ITGA6: variants seen among roughly 807,000 people sequenced by gnomAD.
ITGA6 encodes the protein integrin subunit alpha 6, also known as integrin alpha-6.
ITGA6 carries 63 observed loss-of-function variants against 133.6 expected under a neutral mutation model. The ratio of observed to expected loss-of-function variants is 0.47; its 90% CI spans 0.38 to 0.58. ITGA6 has a LOEUF of 0.58. Among genes scored for constraint, ITGA6 ranks in the 20% least tolerant of loss-of-function variants. The pLI is 0.00. For missense variants in ITGA6, 1,068 were observed against 1,309.4 expected, an observed-to-expected ratio of 0.82 and a Z score of 2.85; for synonymous variants, 434 against 482.0, an observed-to-expected ratio of 0.90 and a Z score of 1.30.
intron 25 of ITGA6, among the ~76,000 whole-genome samples, chr2:172,502,788 A>G (rs1331838975): frequency 1.3e-5 from 2 of 152,092 alleles, no homozygotes; most frequent in South Asian, 2.1e-4. Context: ...GATCCCTTTC[A>G]CCATTTACGT....
intron 11 of ITGA6, among the ~76,000 whole-genome samples, chr2:172,482,613 T>G (rs1410985203): frequency 1.1e-5 from 1 of 89,278 alleles, no homozygotes; most frequent in Non-Finnish European, 2.2e-5. Context: ...CCTCCCATAC[T>G]TTTGCTGTGA....
Position 172,427,645 on chromosome 2 carries a change from C to T in ITGA6, c.-144C>T. 3 of 1,299,902 alleles carry T rather than the reference C, an allele frequency of 2.3e-6. No individual in the cohort carries two copies. Among genetic ancestry groups the T allele is most frequent in the Non-Finnish European group, 2.9e-6 (3 of 1,026,984 alleles). The allele number at this position is 1,299,902 out of a possible 1,614,324, so 80.5% of individuals were successfully genotyped here. ...AGGGGGAGCGGCCGGACGGAGAGCG[C>T]GACCCGTCCCGGGGGTGGGGCCGGG... On this transcript the variant is annotated 5_prime_UTR_variant, in exon 1 of 26. Transcript: ENST00000684293.
chr2:172,469,940 A>ATGTG (rs1301585617), intron 4 of ITGA6, among the ~76,000 whole-genome samples: 1 of 152,170 alleles, frequency 6.6e-6, no homozygotes, highest in Admixed American at 6.5e-5. Context: ...GATTATTGTG[A>ATGTG]TGTGAGTAAA....
chr2:172,436,505 C>G (rs1684326360), intron 1 of ITGA6, among the ~76,000 whole-genome samples: 1 of 152,130 alleles, frequency 6.6e-6, no homozygotes, highest in Non-Finnish European at 1.5e-5. Flanking sequence ...ACAATGATAC[C>G]TCTCCCCAAG....
chr2:172,473,222 C>T (rs974548361), intron 5 of ITGA6, among the ~76,000 whole-genome samples: 2 of 152,194 alleles, frequency 1.3e-5, no homozygotes, highest in East Asian at 1.9e-4. Context: ...GAAACATTTA[C>T]TTAATTTGAA....
intron 1 of ITGA6, among the ~76,000 whole-genome samples, chr2:172,459,241 C>T (rs537585848): frequency 4.6e-5 from 7 of 152,274 alleles, no homozygotes; most frequent in African/African-American, 1.7e-4. Flanking sequence ...GGTTCACGCA[C>T]TTTGGGAGAC....
intron 20 of ITGA6, 145 bp downstream of exon 20, chr2:172,489,803 G>A: frequency 1.3e-6 from 1 of 787,790 alleles, no homozygotes; most frequent in Non-Finnish European, 2.1e-6. Flanking sequence ...CTCTTTTCTA[G>A]TTGGGTAACT....
At chr2:172,466,686 A>C (rs1281986942) in intron 2 of ITGA6, among the ~76,000 whole-genome samples, 1 of 152,218 alleles carries the variant, frequency 6.6e-6, no homozygotes, top group Admixed American at 6.5e-5. Flanking sequence ...AAGCTGGTAA[A>C]ATACACAGAC....
intron 1 of ITGA6, among the ~76,000 whole-genome samples, chr2:172,451,637 T>A (rs968568636): frequency 6.6e-6 from 1 of 152,114 alleles, no homozygotes; most frequent in African/African-American, 2.4e-5. Context: ...TTGAGAGTTA[T>A]CAGTGAATGG....
In ITGA6 at chr2:172,500,921, T is replaced by C. The variant is rs184540813; in HGVS notation, c.3115-851T>C. Among the ~76,000 whole-genome samples the C allele has an allele frequency of 1.9e-3, 295 of 152,312 alleles. 1 individual carries two copies. Among genetic ancestry groups the C allele is most frequent in the Non-Finnish European group, 4.6e-4 (31 of 68,036 alleles). The stretch of plus-strand genomic sequence containing the variant: ...CGGAGCCAGCAGCTCCCATATATTG[T>C]ACAAAGTGAATCTAGGCTTTTACCT... On this transcript the variant is annotated intron_variant, in intron 24 of 25. Transcript: ENST00000684293.
intron 1 of ITGA6, among the ~76,000 whole-genome samples, chr2:172,438,961 G>A (rs1684432363): frequency 6.6e-6 from 1 of 151,970 alleles, no homozygotes; most frequent in Admixed American, 6.6e-5. Flanking sequence ...TTGGCAATCT[G>A]CAGACCTTTG....
At chr2:172,468,385 T>C (rs1217232241) in intron 3 of ITGA6, among the ~76,000 whole-genome samples, 3 of 152,240 alleles carry the variant, frequency 2.0e-5, no homozygotes, top group Non-Finnish European at 4.4e-5. Context: ...TAACGAAATT[T>C]ATACAGAATT....
chr2:172,440,723 G>A (rs1204114591), intron 1 of ITGA6, among the ~76,000 whole-genome samples: 1 of 152,190 alleles, frequency 6.6e-6, no homozygotes, highest in Non-Finnish European at 1.5e-5. Context: ...TTGTATACCT[G>A]GCACCAACAG....
At chr2:172,452,252 C>T (rs757950164) in intron 1 of ITGA6, among the ~76,000 whole-genome samples, 16 of 152,250 alleles carry the variant, frequency 1.1e-4, no homozygotes, top group African/African-American at 3.9e-4. Context: ...TCCCTTTGAA[C>T]CTTTGTCCCT....
At chr2:172,453,823 T>A (rs1358680355) in intron 1 of ITGA6, among the ~76,000 whole-genome samples, 4 of 152,256 alleles carry the variant, frequency 2.6e-5, no homozygotes, top group Non-Finnish European at 4.4e-5. Context: ...ACCTGGCTTG[T>A]TCATTACAAA....
At chr2:172,494,740 G>A (rs577600747) in intron 23 of ITGA6, among the ~76,000 whole-genome samples, 24 of 152,304 alleles carry the variant, frequency 1.6e-4, no homozygotes, top group African/African-American at 5.5e-4. Flanking sequence ...ATGTCATGCT[G>A]TAGGAGACAG....
chr2:172,468,926 T>G (rs1685797479), intron 3 of ITGA6, 199 bp from the exon 4 acceptor site: 2 of 575,304 alleles, frequency 3.5e-6, no homozygotes, highest in Non-Finnish European at 6.2e-6. Flanking sequence ...CACATTCTAG[T>G]TTCTATATGT....
In ITGA6 at chr2:172,465,602, G is replaced by A; in HGVS notation, c.246G>A (p.Gly82=). ...LPLQRANRTG[G]LYSCDITARG... ...TGCAGAGAGCCAACAGAACGGGAGG[G>A]CTGTACAGCTGCGACATCACCGCCC... The change falls in exon 2 of 26, where the codon GGG becomes GGA. Residue 82 remains glycine (G), a synonymous_variant. Coordinates refer to ENST00000684293, the MANE Select transcript of ITGA6 (RefSeq NM_000210.4). The A allele has an allele frequency of 1.2e-6, 2 of 1,614,236 alleles. No individual in the cohort carries two copies. The highest frequency in any genetic ancestry group is 1.7e-6 in the Non-Finnish European group (2 of 1,180,036).
chr2:172,444,735 G>C (rs906036054), intron 1 of ITGA6, among the ~76,000 whole-genome samples: 1 of 145,788 alleles, frequency 6.9e-6, no homozygotes, highest in Non-Finnish European at 1.5e-5. Flanking sequence ...TTTCACATAG[G>C]AACCCCCCTA....
Sources: gnomAD v4.1 joint callset for allele counts (sites outside exome capture counted in the v4.1 genomes callset) on GRCh38, gnomAD v4.1.1 for gene constraint, MANE v1.5 for transcripts, NCBI Gene and HGNC (gene_info 2026-07-23, HGNC 2026-07-21) for gene names.